The following CKAP2L variants were observed in gnomAD, a reference collection of about 807,000 sequenced individuals.
CKAP2L encodes cytoskeleton associated protein 2L.
A neutral mutation model predicts 65.7 loss-of-function variants in CKAP2L; 42 were observed. The observed-to-expected ratio is 0.64, with a 90% CI of 0.50 to 0.83. The LOEUF (loss-of-function observed/expected upper bound fraction) is 0.83, where lower values mean the gene tolerates loss of function less well. Ranked by LOEUF, CKAP2L falls within the 40% of genes least tolerant of loss-of-function variation. The pLI is 0.00. For missense variants in CKAP2L, 908 were observed against 871.0 expected (o/e 1.04, Z -0.53); for synonymous variants, 325 against 313.5 (o/e 1.04, Z -0.39).
rs754686161 is a variant in CKAP2L at position 112,740,988 on chromosome 2, T to C, written c.1842A>G (p.Leu614=). The stretch of plus-strand genomic sequence containing the variant: ...CTGATGTTATACTAGTTTCAGCAAC[T>C]AAAGAGTCAGAAGTAATCCCTGTGT... ...RTTEGITSDS[L]VAETSITSVE... The change falls in exon 8 of 9, where the codon TTA becomes TTG. Residue 614 remains leucine, a synonymous_variant. Coordinates refer to ENST00000302450, the MANE Select transcript of CKAP2L (RefSeq NM_152515.5). The C allele has an allele frequency of 6.2e-7, 1 of 1,612,636 alleles. No individual in the cohort carries two copies. The highest frequency in any genetic ancestry group is 8.5e-7 in the Non-Finnish European group (1 of 1,178,812).
intron 5 of CKAP2L, among the ~76,000 whole-genome samples, chr2:112,750,208 TAC>T (rs1016983422): frequency 6.6e-5 from 10 of 152,302 alleles, no homozygotes; most frequent in African/African-American, 2.2e-4. Context: ...AGCTGCTTCC[TAC>T]AGTTATCACA....
rs1197495653 is a variant in CKAP2L at position 112,737,789 on chromosome 2, G to C, written c.*1034C>G. The C allele has an allele frequency of 6.6e-6, 1 of 151,932 alleles. No individual in the cohort carries two copies. The highest frequency in any genetic ancestry group is 1.5e-5 in the Non-Finnish European group (1 of 68,002). 9.4% of individuals were successfully genotyped at this position (151,932 alleles called of 1,614,324 possible). A position where few individuals can be genotyped will look rare whatever the true frequency, so the allele number is the denominator to read the frequency against. Reference sequence around the variant, plus strand: ...TCCTTGTTTCTTAGGACAGCCAACTGGTATATCCTTAGACAAACTCCTAAT... The same window carrying C: ...TCCTTGTTTCTTAGGACAGCCAACTCGTATATCCTTAGACAAACTCCTAAT... On this transcript the variant is annotated 3_prime_UTR_variant, in exon 9 of 9. Coordinates refer to ENST00000302450, the MANE Select transcript of CKAP2L (RefSeq NM_152515.5).
intron 3 of CKAP2L, among the ~76,000 whole-genome samples, chr2:112,759,456 G>A (rs1680649796): frequency 1.3e-5 from 2 of 152,012 alleles, no homozygotes; most frequent in Admixed American, 1.3e-4. Flanking sequence ...TTCCCTTCCT[G>A]AGTTCACTTT....
At position 112,756,071 on chromosome 2, in the gene CKAP2L, T is replaced by C; in HGVS notation, c.1300A>G (p.Lys434Glu). 6.2e-7 allele frequency: 1 copy of C among 1,614,172 alleles called. No homozygotes were observed. The highest frequency in any genetic ancestry group is 8.5e-7 in the Non-Finnish European group (1 of 1,180,034). The change falls in exon 4 of 9, where the codon AAG becomes GAG. Residue 434 changes from lysine to glutamate, a missense_variant. Transcript: ENST00000302450. ...TCAGCTTGAGTTTTGGGAGCTGTCT[T>C]GTTCAGAAAATGGTTCTGGGGAACA... ...KAVPQNHFLN[K>E]TAPKTQADVT... is the part of the protein sequence containing the mutation.
Position 112,746,368 on chromosome 2 carries a change from A to C in CKAP2L, c.1758+52T>G, listed in dbSNP as rs111479646. The C allele has an allele frequency of 5.9e-5, 86 of 1,463,748 alleles. 4 individuals are homozygous for C. In the African/African-American group the frequency reaches 6.9e-4, roughly 12 times the overall value. The allele number at this position is 1,463,748 out of a possible 1,614,324, so 90.7% of individuals were successfully genotyped here. ...ATCATATTACAAACAACAACAGAGA[A>C]CTCACATGAAAGAGAATTTTAAGAA... is the stretch of plus-strand genomic sequence containing the variant. On this transcript the variant is annotated intron_variant, in intron 6 of 8. Coordinates refer to ENST00000302450, the MANE Select transcript of CKAP2L (RefSeq NM_152515.5).
intron 4 of CKAP2L, among the ~76,000 whole-genome samples, chr2:112,752,743 C>T (rs1365866948): frequency 2.0e-5 from 3 of 152,134 alleles, no homozygotes; most frequent in Non-Finnish European, 4.4e-5. Flanking sequence ...TTATTTTTCT[C>T]GGAAAGTTTT....
rs1173461700 is a variant in CKAP2L at position 112,757,202 on chromosome 2, T to C, written c.169A>G (p.Lys57Glu). Residue 57 changes from lysine (K) to glutamate (E), a missense_variant, in exon 4 of 9, where the codon AAA (lysine) becomes GAA (glutamate). By Grantham distance (56) the Lys-to-Glu change is moderately conservative. Coordinates refer to ENST00000302450, the MANE Select transcript of CKAP2L (RefSeq NM_152515.5). The part of the protein sequence containing the change: ...QPPSKSTIRP[K>E]NDVTNHVVLP... ...ACAACATGGTTGGTAACATCATTTT[T>C]GGGTCTAATAGTCTGAAAAAACAAA... 1.9e-6 allele frequency: 3 copies of C among 1,605,398 alleles called. No homozygotes were observed. The highest frequency in any genetic ancestry group is 2.6e-6 in the Non-Finnish European group (3 of 1,175,566).
At chr2:112,764,446 A>C in intron 1 of CKAP2L, 116 bp downstream of exon 1, 1 of 1,162,030 alleles carries the variant, frequency 8.6e-7, no homozygotes, top group Admixed American at 1.7e-5. Context: ...GCCCAGGGGA[A>C]ACTTAGGCAG....
At chr2:112,746,057 T>C (rs1414590492) in intron 6 of CKAP2L, among the ~76,000 whole-genome samples, 5 of 152,206 alleles carry the variant, frequency 3.3e-5, no homozygotes, top group Admixed American at 6.5e-5. Flanking sequence ...GCATGTACAA[T>C]TCTGATTTTG....
chr2:112,764,294 T>C (rs898454359), intron 1 of CKAP2L, among the ~76,000 whole-genome samples: 3 of 152,170 alleles, frequency 2.0e-5, no homozygotes, highest in East Asian at 1.9e-4. Flanking sequence ...CGGAACGTGG[T>C]GACAATGACA....
intron 3 of CKAP2L, among the ~76,000 whole-genome samples, chr2:112,757,655 G>T (rs941332257): frequency 2.0e-5 from 3 of 152,148 alleles, no homozygotes; most frequent in African/African-American, 7.2e-5. Flanking sequence ...CTCCCAAAGT[G>T]CTGGGATAAC....
At chr2:112,741,044 C>A (rs1205681243) in intron 7 of CKAP2L, 37 bp from the exon 8 acceptor site, 2 of 1,384,520 alleles carry the variant, frequency 1.4e-6, no homozygotes, top group Admixed American at 1.8e-5. Flanking sequence ...GTAAGATTTA[C>A]CAATTTAATA....
At chr2:112,763,329 T>C (rs1201039801) in intron 1 of CKAP2L, among the ~76,000 whole-genome samples, 2 of 152,070 alleles carry the variant, frequency 1.3e-5, no homozygotes, top group East Asian at 3.8e-4. Flanking sequence ...CTTACGTCTT[T>C]TGTTTTTTTA....
In CKAP2L at chr2:112,736,894, ATG is replaced by A. The variant is rs1169661196; in HGVS notation, c.*1927_*1928del. ...TATTGAGAATAACACTGCCACAAACATGTGAGTGCAGATATCTTTATGAGGTG... is the reference window on the plus strand; with the variant it reads ...TATTGAGAATAACACTGCCACAAACATGAGTGCAGATATCTTTATGAGGTG... On this transcript the variant is annotated 3_prime_UTR_variant, in exon 9 of 9. Coordinates refer to ENST00000302450, the MANE Select transcript of CKAP2L (RefSeq NM_152515.5). 1 of 151,822 alleles carries A rather than the reference ATG, an allele frequency of 6.6e-6. No individual in the cohort carries two copies. 9.4% of individuals were successfully genotyped at this position (151,822 alleles called of 1,614,324 possible).
rs1679575412 is a variant in CKAP2L, at chr2:112,738,710, C to T, written c.*113G>A. 1.0e-5 allele frequency: 7 copies of T among 678,506 alleles called. No homozygotes were observed. Among genetic ancestry groups the T allele is most frequent in the Non-Finnish European group, 1.8e-5 (7 of 391,298 alleles). 42.0% of individuals were successfully genotyped at this position (678,506 alleles called of 1,614,324 possible). A position where few individuals can be genotyped will look rare whatever the true frequency, so the allele number is the denominator to read the frequency against. Reference sequence around the variant, plus strand: ...CCCAGTGAATTACTTAAGTCCTGAGCGTCCATAATCTGCATCCATGATGCC... The same window carrying T: ...CCCAGTGAATTACTTAAGTCCTGAGTGTCCATAATCTGCATCCATGATGCC... On this transcript the variant is annotated 3_prime_UTR_variant, in exon 9 of 9. Coordinates refer to ENST00000302450, the MANE Select transcript of CKAP2L (RefSeq NM_152515.5).
In CKAP2L at chr2:112,738,165, A is replaced by C. The variant is rs1679496634; in HGVS notation, c.*658T>G. The C allele has an allele frequency of 6.6e-6, 1 of 152,210 alleles. No homozygotes were observed. The highest frequency in any genetic ancestry group is 1.5e-5 in the Non-Finnish European group (1 of 68,102). The allele number at this position is 152,210 out of a possible 1,614,324, so 9.4% of individuals were successfully genotyped here. ...TTTGTTACTTGAAGTGTTTCTGAGT[A>C]ACAAATGCAAAACTAGGTTTGAATA... On this transcript the variant is annotated 3_prime_UTR_variant, in exon 9 of 9. Coordinates refer to ENST00000302450, the MANE Select transcript of CKAP2L (RefSeq NM_152515.5).
intron 3 of CKAP2L, among the ~76,000 whole-genome samples, chr2:112,758,596 T>C (rs1680615726): frequency 6.6e-6 from 1 of 152,210 alleles, no homozygotes; most frequent in Non-Finnish European, 1.5e-5. Flanking sequence ...TGGCTATATC[T>C]GGATTAATCT....
At chr2:112,761,414 T>C (rs1408442464) in intron 2 of CKAP2L, among the ~76,000 whole-genome samples, 4 of 146,354 alleles carry the variant, frequency 2.7e-5, no homozygotes, top group Admixed American at 2.1e-4. Flanking sequence ...TGAGCCAAGA[T>C]TGCGCCACTG....
chr2:112,745,433 G>T (rs1351592273), intron 6 of CKAP2L, among the ~76,000 whole-genome samples: 3 of 150,674 alleles, frequency 2.0e-5, no homozygotes, highest in Non-Finnish European at 2.9e-5. Flanking sequence ...AGGCTGGAGT[G>T]CAGTGGCCCG....
Sources: gnomAD v4.1 joint callset for allele counts (sites outside exome capture counted in the v4.1 genomes callset) on GRCh38, gnomAD v4.1.1 for gene constraint, MANE v1.5 for transcripts, NCBI Gene and HGNC (gene_info 2026-07-23, HGNC 2026-07-21) for gene names.